The following GRAMD1A variants were observed in gnomAD, a reference collection of about 807,000 sequenced individuals.
GRAMD1A encodes GRAM domain containing 1A.
In GRAMD1A, 50 loss-of-function variants were observed where a neutral mutation model predicts 92.0. The ratio of observed to expected loss-of-function variants is 0.54; its 90% CI spans 0.43 to 0.69. The LOEUF (loss-of-function observed/expected upper bound fraction) is 0.69, where lower values mean the gene tolerates loss of function less well. Ranked by LOEUF, GRAMD1A falls within the 30% of genes least tolerant of loss-of-function variation. The probability of loss-of-function intolerance (pLI) is 0.00; values close to 1 mark genes in which losing one functional copy is unlikely to be tolerated. For synonymous variants in GRAMD1A, 405 were observed against 403.6 expected, an observed-to-expected ratio of 1.00 and a Z score of -0.04; for missense variants, 819 against 978.9, an observed-to-expected ratio of 0.84 and a Z score of 2.18.
In GRAMD1A at chr19:35,000,447, T is replaced by C; in HGVS notation, c.-32T>C. 8.0e-7 allele frequency: 1 copy of C among 1,249,034 alleles called. No individual in the cohort carries two copies. The highest frequency in any genetic ancestry group is 3.0e-5 in the South Asian group (1 of 33,782). The allele number at this position is 1,249,034 out of a possible 1,614,324, so 77.4% of individuals were successfully genotyped here. A position where few individuals can be genotyped will look rare whatever the true frequency, so the allele number is the denominator to read the frequency against. Reference sequence around the variant, plus strand: ...AGCCCTGCCCTGCCCTGCCCTGCCCTGCGCCCGGGGCGCGCCCACCGCGCC... The same window carrying C: ...AGCCCTGCCCTGCCCTGCCCTGCCCCGCGCCCGGGGCGCGCCCACCGCGCC... On this transcript the variant is annotated 5_prime_UTR_variant, in exon 1 of 20. Transcript: ENST00000317991. The surrounding 1 kb of genome is among the most constrained non-coding windows in gnomAD (Gnocchi z 4.9).
intron 1 of GRAMD1A, among the ~76,000 whole-genome samples, chr19:35,004,857 C>T (rs1393963655): frequency 6.6e-6 from 1 of 152,136 alleles, no homozygotes; most frequent in Admixed American, 6.6e-5. Context: ...GTGGATCTCA[C>T]CTCACCTCCA....
Position 35,021,771 on chromosome 19 carries a change from C to T in GRAMD1A, c.1660C>T (p.Arg554Trp), listed in dbSNP as rs201039041. 18 of 1,612,506 alleles carry T rather than the reference C, an allele frequency of 1.1e-5. No individual in the cohort carries two copies. The highest frequency in any genetic ancestry group is 1.7e-4 in the Middle Eastern group (1 of 6,056). The change falls in exon 15 of 20, where the codon CGG (arginine) becomes TGG (tryptophan). Residue 554 changes from arginine (R) to tryptophan (W), a missense_variant. Around this residue, in one of 3 missense-constraint regions of GRAMD1A, gnomAD observed 577 missense variants for 674.6 expected, o/e 0.86. Coordinates refer to ENST00000317991, the MANE Select transcript of GRAMD1A (RefSeq NM_020895.5). This position sits in a 1 kb window ranked among gnomAD's most constrained non-coding sequence, Gnocchi z 5.3. ...CCGGGGCTTGCTATCCGGCCTGCGG[C>T]GGCGGAAGCGGCCCCTGAGCTGGCG... ...DARGLLSGLRRRKRPLSWRAH... is the reference protein window; with the variant it reads ...DARGLLSGLRWRKRPLSWRAH...
upstream of GRAMD1A, chr19:34,999,938 T>C (rs2014220365): frequency 1.0e-6 from 1 of 969,632 alleles, no homozygotes; most frequent in East Asian, 1.1e-4. Flanking sequence ...TACACCTCGG[T>C]TTCCCAGCAT....
At chr19:35,009,531 G>A (rs1568322530) in intron 3 of GRAMD1A, 88 bp downstream of exon 3, 3 of 1,347,776 alleles carry the variant, frequency 2.2e-6, no homozygotes, top group East Asian at 2.3e-5. Context: ...CAAGGAGTGC[G>A]TGCTGAGATG....
At position 35,023,442 on chromosome 19, in the gene GRAMD1A, G is replaced by A. The variant is rs200431756; in HGVS notation, c.1977G>A (p.Thr659=). 96 of 1,591,232 alleles carry A rather than the reference G, an allele frequency of 6.0e-5. 1 individual carries two copies. Among genetic ancestry groups the A allele is most frequent in the South Asian group, 1.2e-4 (11 of 89,466 alleles). ...ATCCCCACAGCAAGTTCCCCCAGAC[G>A]GCCACAGAGTGGGCCGAGATCCTGG... ...LALAKGKFPQ[T]ATEWAEILAL... The change falls in exon 19 of 20, where the codon ACG becomes ACA. Residue 659 remains threonine (T), a synonymous_variant. Transcript: ENST00000317991.
At chr19:35,012,097 C>CA (rs1268656910) in intron 7 of GRAMD1A, among the ~76,000 whole-genome samples, 1 of 152,240 alleles carries the variant, frequency 6.6e-6, no homozygotes, top group African/African-American at 2.4e-5. Flanking sequence ...CCCCATCTGT[C>CA]AAATGGGGGC....
chr19:35,021,784 C>G lies in GRAMD1A; in HGVS notation c.1673C>G (p.Pro558Arg). Residue 558 changes from proline to arginine, a missense_variant, in exon 15 of 20, where the codon CCC becomes CGC. Pro to Arg is a moderately radical substitution (Grantham distance 103). Transcript: ENST00000317991. This position sits in a 1 kb window ranked among gnomAD's most constrained non-coding sequence, Gnocchi z 5.3. The stretch of plus-strand genomic sequence containing the variant: ...TCCGGCCTGCGGCGGCGGAAGCGGC[C>G]CCTGAGCTGGCGGGCTCACGGGGAC... ...LLSGLRRRKR[P>R]LSWRAHGDGP... 6.2e-7 allele frequency: 1 copy of G among 1,612,076 alleles called. No individual in the cohort carries two copies. Among genetic ancestry groups the G allele is most frequent in the Non-Finnish European group, 8.5e-7 (1 of 1,179,344 alleles).
Position 35,026,355 on chromosome 19 carries a change from T to G in GRAMD1A, c.*214T>G. 1 of 581,698 alleles carries G rather than the reference T, an allele frequency of 1.7e-6. No homozygotes were observed. Among genetic ancestry groups the G allele is most frequent in the South Asian group, 2.1e-5 (1 of 47,412 alleles). The allele number at this position is 581,698 out of a possible 1,614,324, so 36.0% of individuals were successfully genotyped here. A position where few individuals can be genotyped will look rare whatever the true frequency, so the allele number is the denominator to read the frequency against. Reference sequence around the variant, plus strand: ...CTGGCAGGCCCCCCACTAACTTATTTTGCCCGGCTGAGGTTGTGGGGGGCG... The same window carrying G: ...CTGGCAGGCCCCCCACTAACTTATTGTGCCCGGCTGAGGTTGTGGGGGGCG... On this transcript the variant is annotated 3_prime_UTR_variant, in exon 20 of 20. Coordinates refer to ENST00000317991, the MANE Select transcript of GRAMD1A (RefSeq NM_020895.5).
In GRAMD1A at chr19:35,026,197, G is replaced by C; in HGVS notation, c.*56G>C. The C allele has an allele frequency of 1.1e-6, 1 of 923,292 alleles. No individual in the cohort carries two copies. 57.2% of individuals were successfully genotyped at this position (923,292 alleles called of 1,614,324 possible). On this transcript the variant is annotated 3_prime_UTR_variant, in exon 20 of 20. Transcript: ENST00000317991. ...TGGACAGATGGACACACAGAGCCTC[G>C]GCGGCCACTGCTGGCACGGTGTGAG... is the stretch of plus-strand genomic sequence containing the variant.
Position 35,013,401 on chromosome 19 carries a change from CG to C in GRAMD1A, c.719+38del. On this transcript the variant is annotated intron_variant, in intron 8 of 19. Transcript: ENST00000317991. The surrounding 1 kb of genome is among the most constrained non-coding windows in gnomAD (Gnocchi z 4.9). Reference sequence around the variant, plus strand: ...GGAGGTCAAAGGAGGTTGAAGGGTTCGGGGGAGAACAGGACGGTCGGCGTGC... The same window carrying C: ...GGAGGTCAAAGGAGGTTGAAGGGTTCGGGGAGAACAGGACGGTCGGCGTGC... 6.6e-7 allele frequency: 1 copy of C among 1,504,362 alleles called. No individual in the cohort carries two copies. 93.2% of individuals were successfully genotyped at this position (1,504,362 alleles called of 1,614,324 possible).
chr19:35,026,118 C>T lies in GRAMD1A; in HGVS notation c.2152C>T (p.Arg718Trp), dbSNP rs765210680. Residue 718 changes from arginine (R) to tryptophan (W), a missense_variant, in exon 20 of 20, where the codon CGG becomes TGG. Physicochemically the swap from Arg to Trp is moderately radical, Grantham distance 101. Coordinates refer to ENST00000317991, the MANE Select transcript of GRAMD1A (RefSeq NM_020895.5). ...AGACCCTCCCTTTGACACCCAGCCCCGGCCCGATGACAGCTTTTCCTGAGG... is the reference window on the plus strand; with the variant it reads ...AGACCCTCCCTTTGACACCCAGCCCTGGCCCGATGACAGCTTTTCCTGAGG... ...VSDPPFDTQPRPDDSFS is the reference protein window; with the variant it reads ...VSDPPFDTQPWPDDSFS The T allele has an allele frequency of 1.6e-5, 26 of 1,589,554 alleles. No homozygotes were observed. Among genetic ancestry groups the T allele is most frequent in the South Asian group, 3.3e-5 (3 of 90,588 alleles).
chr19:35,016,012 G>C lies in GRAMD1A; in HGVS notation c.1213+45G>C, dbSNP rs143597875. 1.9e-4 allele frequency: 300 copies of C among 1,595,684 alleles called. No homozygotes were observed. In the East Asian group the frequency reaches 5.8e-3, roughly 31 times the overall value. On this transcript the variant is annotated intron_variant, in intron 11 of 19. Coordinates refer to ENST00000317991, the MANE Select transcript of GRAMD1A (RefSeq NM_020895.5). ...AGAGGCTGAGGTTACCCAGGTGCAG[G>C]GGAGGGGTGAGGAAGGGTAGCCCAG...
In GRAMD1A at chr19:35,013,626, G is replaced by A; in HGVS notation, c.805G>A (p.Val269Met). 2 of 1,613,750 alleles carry A rather than the reference G, an allele frequency of 1.2e-6. No individual in the cohort carries two copies. The highest frequency in any genetic ancestry group is 1.7e-6 in the Non-Finnish European group (2 of 1,179,942). Residue 269 changes from valine (V) to methionine (M), a missense_variant, in exon 9 of 20, where the codon GTG (valine) becomes ATG (methionine). Val to Met is a conservative substitution (Grantham distance 21). This residue lies in a region of GRAMD1A where 577 missense variants were observed against 674.6 expected (regional missense o/e 0.86). Coordinates refer to ENST00000317991, the MANE Select transcript of GRAMD1A (RefSeq NM_020895.5). This position sits in a 1 kb window ranked among gnomAD's most constrained non-coding sequence, Gnocchi z 4.9. Reference sequence around the variant, plus strand: ...TGACCGCAGCCAGGAGCCAAGCCCAGTGGGTTCGCGCCGTGGCCATGTCAC... The same window carrying A: ...TGACCGCAGCCAGGAGCCAAGCCCAATGGGTTCGCGCCGTGGCCATGTCAC... ...AADRSQEPSP[V>M]GSRRGHVTPN...
At chr19:35,005,028 GC>G (rs1195426212) in intron 1 of GRAMD1A, among the ~76,000 whole-genome samples, 1 of 152,086 alleles carries the variant, frequency 6.6e-6, no homozygotes, top group African/African-American at 2.4e-5. Context: ...CCAGGCTGCT[GC>G]CCTGGAGACC....
rs894641016 is a variant in GRAMD1A, at chr19:35,013,955, C to T, written c.871-234C>T. Among the ~76,000 whole-genome samples the T allele has an allele frequency of 5.9e-5, 9 of 152,260 alleles. No homozygotes were observed. Among genetic ancestry groups the T allele is most frequent in the South Asian group, 2.1e-4 (1 of 4,820 alleles). On this transcript the variant is annotated intron_variant, in intron 9 of 19. Transcript: ENST00000317991. This position sits in a 1 kb window ranked among gnomAD's most constrained non-coding sequence, Gnocchi z 4.9. ...ATAGATGAAGCAGCAGACAGACAGA[C>T]GGACAGGACAGGTAAGAAAGCTTAT...
intron 1 of GRAMD1A, among the ~76,000 whole-genome samples, chr19:35,007,184 G>A (rs1345164462): frequency 3.3e-5 from 5 of 152,202 alleles, no homozygotes; most frequent in African/African-American, 1.2e-4. Context: ...TCTGGTTGTA[G>A]GACACCAGTG....
chr19:35,023,392 G>T, intron 18 of GRAMD1A, 35 bp from the exon 19 acceptor site: 11 of 1,612,264 alleles, frequency 6.8e-6, no homozygotes, highest in Non-Finnish European at 9.3e-6. Context: ...CATCGGGGGA[G>T]GCCAAGGCCC....
chr19:35,003,424 T>C (rs2014564309), intron 1 of GRAMD1A, among the ~76,000 whole-genome samples: 1 of 151,982 alleles, frequency 6.6e-6, no homozygotes, highest in Admixed American at 6.6e-5. Flanking sequence ...TCCCCCAGGC[T>C]CCTCCCTTCA....
chr19:34,995,618 G>A (rs904303722), upstream of GRAMD1A, among the ~76,000 whole-genome samples: 1 of 122,082 alleles, frequency 8.2e-6, no homozygotes, highest in South Asian at 2.7e-4. Flanking sequence ...GTCTCGCTCT[G>A]TTGCCCAGGC....
Sources: gnomAD v4.1 joint callset for allele counts (sites outside exome capture counted in the v4.1 genomes callset) on GRCh38, gnomAD v4.1.1 for gene constraint, gnomAD v4.1.1 regional missense constraint, Gnocchi (gnomAD v3.1) non-coding constraint, MANE v1.5 for transcripts, NCBI Gene and HGNC (gene_info 2026-07-23, HGNC 2026-07-21) for gene names.